Variants in BRCA1 observed in about 807,000 individuals in gnomAD.
The protein encoded by BRCA1 is breast cancer type 1 susceptibility protein.
A neutral mutation model predicts 173.7 loss-of-function variants in BRCA1; 140 were observed. The ratio of observed to expected loss-of-function variants is 0.81; its 90% CI spans 0.70 to 0.93. The LOEUF (loss-of-function observed/expected upper bound fraction) is 0.93. Among genes scored for constraint, BRCA1 ranks in the 40% least tolerant of loss-of-function variants. The pLI, the probability that BRCA1 is intolerant of heterozygous loss-of-function variation, is 0.00. For missense variants in BRCA1, 1,983 were observed against 2,172.5 expected, an observed-to-expected ratio of 0.91 and a Z score of 1.73; for synonymous variants, 662 against 756.0, an observed-to-expected ratio of 0.88 and a Z score of 2.04.
chr17:43,091,807 T>C lies in BRCA1; in HGVS notation c.3724A>G (p.Thr1242Ala), dbSNP rs80357037. The change falls in exon 10 of 23, where the codon ACT (threonine) becomes GCT (alanine). Residue 1242 changes from threonine to alanine, a missense_variant. By Grantham distance (58) the Thr-to-Ala change is moderately conservative (BLOSUM62 0). Coordinates refer to ENST00000357654, the MANE Select transcript of BRCA1 (RefSeq NM_007294.4). Reference protein sequence around the residue: ...GKVNNIPSQSTRHSTVATECL... With the variant: ...GKVNNIPSQSARHSTVATECL... ...TCGGTAGCAACGGTGCTATGCCTAGTAGACTGAGAAGGTATATTGTTTACT... is the reference window on the plus strand; with the variant it reads ...TCGGTAGCAACGGTGCTATGCCTAGCAGACTGAGAAGGTATATTGTTTACT... 7.4e-6 allele frequency: 12 copies of C among 1,614,204 alleles called. No individual in the cohort carries two copies. The highest frequency in any genetic ancestry group is 1.3e-5 in the African/African-American group (1 of 75,054).
intron 4 of BRCA1, among the ~76,000 whole-genome samples, chr17:43,105,244 TTTTG>T (rs1219177790): frequency 1.3e-5 from 2 of 152,176 alleles, no homozygotes; most frequent in Non-Finnish European, 2.9e-5. Flanking sequence ...GTACTTTTTT[TTTTG>T]TTTAATTTAG....
rs1171470621 is a variant in BRCA1 at position 43,062,683 on chromosome 17, C to T, written c.5193+650G>A. 3.3e-5 allele frequency among the ~76,000 whole-genome samples: 5 copies of T among 152,106 alleles called. No individual in the cohort carries two copies. The East Asian group carries it at 7.7e-4, about 23-fold the overall frequency. On this transcript the variant is annotated intron_variant, in intron 18 of 22. Coordinates refer to ENST00000357654, the MANE Select transcript of BRCA1 (RefSeq NM_007294.4). ...CACGATCTTGGCTCATTGCAACCTC[C>T]ACCTCCCGGGTTCAAGAGATTCTCC...
intron 1 of BRCA1, chr17:43,139,756 C>T (rs1482600614): frequency 2.4e-6 from 1 of 419,998 alleles, no homozygotes; most frequent in Non-Finnish European, 4.8e-6. Context: ...GAGTTCTCAT[C>T]ATTTAGCTCC....
chr17:43,103,905 G>A (rs1324683142), intron 6 of BRCA1, among the ~76,000 whole-genome samples: 3 of 151,748 alleles, frequency 2.0e-5, no homozygotes, highest in Non-Finnish European at 1.5e-5. Context: ...TTAGGAGTTC[G>A]AGACCAGCCT....
chr17:43,096,565 C>T (rs1164385708), intron 8 of BRCA1, among the ~76,000 whole-genome samples: 4 of 129,048 alleles, frequency 3.1e-5, no homozygotes, highest in African/African-American at 1.2e-4. Flanking sequence ...GGCAAGACCC[C>T]GTCTCCAAAA....
intron 4 of BRCA1, among the ~76,000 whole-genome samples, chr17:43,105,984 G>A (rs536727581): frequency 6.2e-4 from 94 of 151,932 alleles, no homozygotes; most frequent in African/African-American, 2.0e-3. Context: ...AAAATTGGCC[G>A]GGCATGGTAG....
chr17:43,156,662 C>T (rs549241579), intron 1 of BRCA1, among the ~76,000 whole-genome samples: 73 of 152,286 alleles, frequency 4.8e-4, no homozygotes, highest in African/African-American at 1.7e-3. Context: ...AGATAAGCTA[C>T]ATTTCAAAGA....
upstream of BRCA1, among the ~76,000 whole-genome samples, chr17:43,126,932 C>T (rs545472402): frequency 2.6e-5 from 4 of 152,142 alleles, no homozygotes; most frequent in Admixed American, 6.5e-5. Context: ...CCCGCACCCC[C>T]GGCCCCGGGC....
chr17:43,168,160 G>T, intron 1 of BRCA1: 2 of 376,952 alleles, frequency 5.3e-6, no homozygotes, highest in South Asian at 4.2e-5. Context: ...ACCCTCTTCT[G>T]GTGACTTACC....
upstream of BRCA1, among the ~76,000 whole-genome samples, chr17:43,129,285 CAA>C (rs146646888): frequency 5.2e-3 from 792 of 152,252 alleles, 4 homozygotes; most frequent in African/African-American, 0.018. Flanking sequence ...ACATGCCAGC[CAA>C]AGAGAGTTCC....
At chr17:43,157,492 G>T (rs2154581667) in intron 1 of BRCA1, among the ~76,000 whole-genome samples, 2 of 152,044 alleles carry the variant, frequency 1.3e-5, no homozygotes, top group Admixed American at 1.3e-4. Flanking sequence ...GAGGTCAGGA[G>T]ATCAAGAACA....
chr17:43,122,916 G>C (rs982566451), intron 2 of BRCA1, among the ~76,000 whole-genome samples: 54 of 151,722 alleles, frequency 3.6e-4, no homozygotes, highest in African/African-American at 1.2e-3. Flanking sequence ...AATTAGCCGG[G>C]CGTGGTAGTG....
chr17:43,099,803 A>T lies in BRCA1; in HGVS notation c.519T>A (p.Pro173=), dbSNP rs876659179. The T allele has an allele frequency of 1.2e-6, 2 of 1,612,604 alleles. No individual in the cohort carries two copies. Among genetic ancestry groups the T allele is most frequent in the South Asian group, 2.2e-5 (2 of 91,052 alleles). ...ATTCAATGTAGACAGACGTCTTTTG[A>T]GGTTGTATCCGCTGCTTTGTCCTCA... ...RTLRTKQRIQ[P]QKTSVYIELG... Residue 173 remains proline, a synonymous_variant, in exon 7 of 23, where the codon CCT becomes CCA. Coordinates refer to ENST00000357654, the MANE Select transcript of BRCA1 (RefSeq NM_007294.4).
intron 1 of BRCA1, chr17:43,140,020 T>G (rs754350142): frequency 2.3e-6 from 1 of 435,926 alleles, no homozygotes; most frequent in Non-Finnish European, 4.6e-6. Context: ...GGCTCCTTAT[T>G]TGGGGACTGG....
chr17:43,072,197 G>A (rs1339625619), intron 14 of BRCA1, among the ~76,000 whole-genome samples: 1 of 151,454 alleles, frequency 6.6e-6, no homozygotes, highest in Non-Finnish European at 1.5e-5. Flanking sequence ...AGACCAGTCT[G>A]ACCAACATGG....
chr17:43,106,489 T>C lies in BRCA1; in HGVS notation c.179A>G (p.Gln60Arg), dbSNP rs373655067. The change falls in exon 4 of 23, where the codon CAG (glutamine) becomes CGG (arginine). Residue 60 changes from glutamine to arginine, a missense_variant. By Grantham distance (43) the Gln-to-Arg change is conservative. Transcript: ENST00000357654. ...TATATCATTCTTACATAAAGGACAC[T>C]GTGAAGGCCCTTTCTTCTGGTTGAG... ...KLLNQKKGPS[Q>R]CPLCKNDITK... The C allele has an allele frequency of 2.5e-6, 4 of 1,604,960 alleles. No homozygotes were observed. Among genetic ancestry groups the C allele is most frequent in the African/African-American group, 2.7e-5 (2 of 74,732 alleles).
rs768995134 is a variant in BRCA1 at position 43,092,377 on chromosome 17, T to G, written c.3154A>C (p.Asn1052His). Residue 1052 changes from asparagine (N) to histidine (H), a missense_variant, in exon 10 of 23, where the codon AAT (asparagine) becomes CAT (histidine). Coordinates refer to ENST00000357654, the MANE Select transcript of BRCA1 (RefSeq NM_007294.4). ...SNINEVGSSTNEVGSSINEIG... is the reference protein window; with the variant it reads ...SNINEVGSSTHEVGSSINEIG... ...TCATTAATACTGGAGCCCACTTCAT[T>G]AGTACTGGAACCTACTTCATTAATA... The G allele has an allele frequency of 6.2e-7, 1 of 1,613,924 alleles. No homozygotes were observed. The highest frequency in any genetic ancestry group is 8.5e-7 in the Non-Finnish European group (1 of 1,179,936).
At chr17:43,164,958 T>C (rs2056258098) in intron 1 of BRCA1, 1 of 152,232 alleles carries the variant, frequency 6.6e-6, no homozygotes, top group African/African-American at 2.4e-5. Flanking sequence ...TTAGTGCCTT[T>C]TTCCTGAGAA....
intron 18 of BRCA1, among the ~76,000 whole-genome samples, chr17:43,058,538 T>C (rs1359231558): frequency 2.0e-5 from 3 of 152,204 alleles, no homozygotes; most frequent in Non-Finnish European, 2.9e-5. Flanking sequence ...AGCAAATCTT[T>C]TGTGTGCAGA....
Sources: gnomAD v4.1 joint callset for allele counts (sites outside exome capture counted in the v4.1 genomes callset) on GRCh38, gnomAD v4.1.1 for gene constraint, MANE v1.5 for transcripts, NCBI Gene and HGNC (gene_info 2026-07-23, HGNC 2026-07-21) for gene names.